Variants in FLVCR2 observed in about 807,000 individuals in gnomAD.
FLVCR2 encodes choline/ethanolamine transporter FLVCR2.
In FLVCR2, 38 loss-of-function variants were observed where a neutral mutation model predicts 48.9. That is an observed-to-expected ratio of 0.78 (90% CI 0.60 to 1.02). The LOEUF is 1.02. FLVCR2 is among the 50% of genes least tolerant of loss of function. The probability of loss-of-function intolerance (pLI) is 0.00; values close to 1 mark genes in which losing one functional copy is unlikely to be tolerated. For synonymous variants in FLVCR2, 255 were observed against 257.0 expected, an observed-to-expected ratio of 0.99 and a Z score of 0.07; for missense variants, 664 against 663.3, an observed-to-expected ratio of 1.00 and a Z score of -0.01.
intron 2 of FLVCR2, 32 bp downstream of exon 2, chr14:75,622,252 G>A: frequency 6.2e-7 from 1 of 1,610,050 alleles, no homozygotes; most frequent in Non-Finnish European, 8.5e-7. Context: ...TGGGGTAGCA[G>A]GGGGCGAAGG....
At chr14:75,585,186 A>C (rs1286739187) in intron 1 of FLVCR2, among the ~76,000 whole-genome samples, 2 of 152,140 alleles carry the variant, frequency 1.3e-5, no homozygotes, top group East Asian at 3.9e-4. Context: ...AACAGACAGG[A>C]GAGAAAGAAG....
In FLVCR2 at chr14:75,579,608, A is replaced by C. The variant is rs1466658439; in HGVS notation, c.636A>C (p.Ser212=). The C allele has an allele frequency of 1.2e-6, 2 of 1,613,948 alleles. No individual in the cohort carries two copies. The highest frequency in any genetic ancestry group is 2.7e-5 in the African/African-American group (2 of 74,904). The change falls in exon 1 of 10, where the codon TCA becomes TCC. Residue 212 remains serine (S), a synonymous_variant. Transcript: ENST00000238667. ...TCTGGTTCGGGGCTAATGAGGTTTCAACAGCCTGCTCCGTGGCTGTCTTTG... is the reference window on the plus strand; with the variant it reads ...TCTGGTTCGGGGCTAATGAGGTTTCCACAGCCTGCTCCGTGGCTGTCTTTG... ...ASVWFGANEV[S]TACSVAVFGN... is the part of the protein sequence containing the mutation.
At chr14:75,586,015 G>A (rs1481884507) in intron 1 of FLVCR2, among the ~76,000 whole-genome samples, 1 of 152,206 alleles carries the variant, frequency 6.6e-6, no homozygotes, top group Non-Finnish European at 1.5e-5. Flanking sequence ...GTGAGGGTGA[G>A]GACAGGGGAC....
At chr14:75,618,961 C>T (rs184212271) in intron 1 of FLVCR2, among the ~76,000 whole-genome samples, 6 of 151,644 alleles carry the variant, frequency 4.0e-5, no homozygotes, top group Admixed American at 2.6e-4. Flanking sequence ...CAGTGGCTCA[C>T]GCCTGTAATC....
At chr14:75,631,867 G>T (rs1356028565) in intron 3 of FLVCR2, 2 of 455,820 alleles carry the variant, frequency 4.4e-6, no homozygotes, top group Admixed American at 4.7e-5. Context: ...GCTTGAATGA[G>T]ATGTTGCTGA....
intron 1 of FLVCR2, among the ~76,000 whole-genome samples, chr14:75,582,915 G>A (rs1024942911): frequency 1.3e-5 from 2 of 152,116 alleles, no homozygotes; most frequent in Non-Finnish European, 2.9e-5. Flanking sequence ...TGGGAGATTA[G>A]CTGGACACGA....
chr14:75,616,142 T>C (rs930594619), intron 1 of FLVCR2, among the ~76,000 whole-genome samples: 1 of 147,454 alleles, frequency 6.8e-6, no homozygotes, highest in Non-Finnish European at 1.5e-5. Flanking sequence ...CTAGGCAACA[T>C]AGTGAGAGAC....
chr14:75,619,871 C>G (rs553413610), intron 1 of FLVCR2, among the ~76,000 whole-genome samples: 33 of 152,334 alleles, frequency 2.2e-4, no homozygotes, highest in African/African-American at 7.5e-4. Flanking sequence ...CAGAGTCCAG[C>G]TGCCCCAGAG....
chr14:75,603,155 G>A (rs539310298), intron 1 of FLVCR2, among the ~76,000 whole-genome samples: 5 of 152,280 alleles, frequency 3.3e-5, no homozygotes, highest in South Asian at 2.1e-4. Context: ...GAAATTCTAG[G>A]CAGAAAAGGG....
chr14:75,621,938 G>T lies in FLVCR2; in HGVS notation c.670-141G>T, dbSNP rs1445506073. ...AGAAGAAAGATTTCTCTGGTGTTTTGAGGTGAGAAATAATCCCTGCATGGG... is the reference window on the plus strand; with the variant it reads ...AGAAGAAAGATTTCTCTGGTGTTTTTAGGTGAGAAATAATCCCTGCATGGG... On this transcript the variant is annotated intron_variant, in intron 1 of 9. Coordinates refer to ENST00000238667, the MANE Select transcript of FLVCR2 (RefSeq NM_017791.3). 3.3e-6 allele frequency: 3 copies of T among 907,870 alleles called. No homozygotes were observed. In the Admixed American group the frequency reaches 5.1e-5, roughly 15 times the overall value. 56.2% of individuals were successfully genotyped at this position (907,870 alleles called of 1,614,324 possible).
rs1889079117 is a variant in FLVCR2 at position 75,598,464 on chromosome 14, C to T, written c.669+18823C>T. Among the ~76,000 whole-genome samples, 3 of 152,038 alleles carry T rather than the reference C, an allele frequency of 2.0e-5. No homozygotes were observed. In the South Asian group the frequency reaches 6.2e-4, roughly 32 times the overall value. ...TATTTTTTTTTCTCTATAACCTAAT[C>T]TTGGAAGTGATTTTTCTTTTTTCCG... On this transcript the variant is annotated intron_variant, in intron 1 of 9. Transcript: ENST00000238667.
chr14:75,614,088 A>G (rs1650671353), intron 1 of FLVCR2, among the ~76,000 whole-genome samples: 1 of 152,258 alleles, frequency 6.6e-6, no homozygotes, highest in Non-Finnish European at 1.5e-5. Flanking sequence ...GGACAGCATC[A>G]TACTGAATGC....
At chr14:75,581,123 C>A (rs1309791304) in intron 1 of FLVCR2, among the ~76,000 whole-genome samples, 1 of 152,026 alleles carries the variant, frequency 6.6e-6, no homozygotes, top group Non-Finnish European at 1.5e-5. Flanking sequence ...AGGGGTGATA[C>A]TGTGGGGTTG....
rs150917742 is a variant in FLVCR2 at position 75,600,946 on chromosome 14, G to A, written c.670-21133G>A. ...AAATATACAAATGGTCAATTGCCAA[G>A]ACCAGCTCAGTTGGGGAGACCCTAA... On this transcript the variant is annotated intron_variant, in intron 1 of 9. Transcript: ENST00000238667. Among the ~76,000 whole-genome samples, 4 of 151,058 alleles carry A rather than the reference G, an allele frequency of 2.6e-5. No individual in the cohort carries two copies. In the East Asian group the frequency reaches 7.8e-4, roughly 29 times the overall value.
Position 75,622,195 on chromosome 14 carries a change from T to G in FLVCR2, c.786T>G (p.Thr262=), listed in dbSNP as rs745902820. ...IMFYIIGGVA[T]LLLILVIIVF... ...TCTATATAATAGGAGGTGTGGCCAC[T>G]CTCCTCCTCATCCTTGTCATCATTG... Residue 262 remains threonine (T), a synonymous_variant, in exon 2 of 10, where the codon ACT becomes ACG. Transcript: ENST00000238667. 10 of 1,613,420 alleles carry G rather than the reference T, an allele frequency of 6.2e-6. No homozygotes were observed. The African/African-American group carries it at 1.2e-4, about 19-fold the overall frequency.
chr14:75,630,918 ACCTGTACT>A (rs1890024096), intron 3 of FLVCR2, among the ~76,000 whole-genome samples: 3 of 149,582 alleles, frequency 2.0e-5, no homozygotes, highest in Admixed American at 2.0e-4. Flanking sequence ...GAATGCAGTC[ACCTGTACT>A]CCTGTAAGGG....
intron 1 of FLVCR2, among the ~76,000 whole-genome samples, chr14:75,609,889 T>C (rs1464093568): frequency 1.4e-5 from 2 of 140,372 alleles, no homozygotes; most frequent in African/African-American, 5.1e-5. Flanking sequence ...AGTGGCACCT[T>C]TGAGTTGGGG....
intron 4 of FLVCR2, among the ~76,000 whole-genome samples, chr14:75,634,344 A>G (rs995684496): frequency 1.3e-5 from 2 of 152,166 alleles, no homozygotes; most frequent in South Asian, 4.1e-4. Flanking sequence ...CTAGTAGGTT[A>G]ATTTCATTGT....
At chr14:75,634,599 G>A (rs1401505818) in intron 4 of FLVCR2, among the ~76,000 whole-genome samples, 3 of 152,168 alleles carry the variant, frequency 2.0e-5, no homozygotes, top group Non-Finnish European at 4.4e-5. Context: ...ATTAATGACA[G>A]ATAAGATAGA....
Sources: allele counts gnomAD v4.1 joint callset (sites outside exome capture counted in the v4.1 genomes callset), GRCh38; gene constraint gnomAD v4.1.1; transcripts MANE v1.5; gene names NCBI Gene and HGNC (gene_info 2026-07-23, HGNC 2026-07-21).